SH3RF3: variants seen among roughly 807,000 people sequenced by gnomAD.
SH3RF3 encodes E3 ubiquitin-protein ligase SH3RF3.
A neutral mutation model predicts 66.3 loss-of-function variants in SH3RF3; 29 were observed. The observed-to-expected ratio is 0.44, with a 90% CI of 0.33 to 0.60. The LOEUF is 0.60. Ranked by LOEUF, SH3RF3 falls within the 20% of genes least tolerant of loss-of-function variation. The pLI is 0.04. For synonymous variants in SH3RF3, 583 were observed against 532.0 expected (o/e 1.10, Z -1.32); for missense variants, 1,194 against 1,190.9 (o/e 1.00, Z -0.04).
chr2:109,181,731 C>T (rs1454586283), intron 1 of SH3RF3, among the ~76,000 whole-genome samples: 2 of 152,186 alleles, frequency 1.3e-5, no homozygotes, highest in Non-Finnish European at 2.9e-5. Flanking sequence ...CTTTCTTCTC[C>T]AGCCATGGTA....
At chr2:109,350,009 G>A (rs1003552145) in intron 2 of SH3RF3, among the ~76,000 whole-genome samples, 1 of 152,232 alleles carries the variant, frequency 6.6e-6, no homozygotes, top group African/African-American at 2.4e-5. Flanking sequence ...GGCCAGTGGA[G>A]AATGTGCAGA....
chr2:109,350,885 T>C (rs1682823155), intron 2 of SH3RF3, among the ~76,000 whole-genome samples: 1 of 152,242 alleles, frequency 6.6e-6, no homozygotes, highest in African/African-American at 2.4e-5. Flanking sequence ...GAAGGGTCTC[T>C]GAAAGCTACA....
chr2:109,360,027 A>C (rs558753471), intron 2 of SH3RF3, among the ~76,000 whole-genome samples: 1 of 150,986 alleles, frequency 6.6e-6, no homozygotes, highest in African/African-American at 2.4e-5. Context: ...GGACCCACTT[A>C]CTGGTCCCTT....
intron 1 of SH3RF3, among the ~76,000 whole-genome samples, chr2:109,166,960 A>T (rs1344639038): frequency 3.9e-5 from 6 of 152,202 alleles, no homozygotes; most frequent in African/African-American, 1.4e-4. Flanking sequence ...ACCTTCTTGT[A>T]AAAGGGCCAT....
chr2:109,347,536 T>G (rs1447435338), intron 1 of SH3RF3, 138 bp from the exon 2 acceptor site: 7 of 1,177,484 alleles, frequency 5.9e-6, no homozygotes, highest in Non-Finnish European at 5.9e-6. Context: ...TTTAAAATAT[T>G]TTCCACTTGC....
chr2:109,360,063 CAAA>C lies in SH3RF3; in HGVS notation c.850-11507_850-11505del, dbSNP rs35020112. The stretch of plus-strand genomic sequence containing the variant: ...AACCACTTCTGATGTTTCCTTGCAC[CAAA>C]AAAAAAAAAAAAAAAGTATACACTT... On this transcript the variant is annotated intron_variant, in intron 2 of 9. Coordinates refer to ENST00000309415, the MANE Select transcript of SH3RF3 (RefSeq NM_001099289.3). 8.5e-3 allele frequency among the ~76,000 whole-genome samples: 1,150 copies of C among 135,058 alleles called. 9 individuals are homozygous for C. The highest frequency in any genetic ancestry group is 0.058 in the East Asian group (248 of 4,286). 88.6% of individuals were successfully genotyped at this position (135,058 alleles called of 152,430 possible). A position where few individuals can be genotyped will look rare whatever the true frequency, so the allele number is the denominator to read the frequency against.
chr2:109,294,483 C>G (rs755461574), intron 1 of SH3RF3, among the ~76,000 whole-genome samples: 9 of 150,986 alleles, frequency 6.0e-5, no homozygotes, highest in Admixed American at 5.3e-4. Flanking sequence ...ATCACCTGAA[C>G]CCAGGAGGTG....
chr2:109,473,214 C>T (rs1314757451), intron 8 of SH3RF3, among the ~76,000 whole-genome samples: 1 of 152,240 alleles, frequency 6.6e-6, no homozygotes, highest in Non-Finnish European at 1.5e-5. Flanking sequence ...CATACGAGCG[C>T]CTCACACAGG....
intron 1 of SH3RF3, among the ~76,000 whole-genome samples, chr2:109,132,276 G>C (rs186513418): frequency 3.5e-4 from 53 of 152,244 alleles, no homozygotes; most frequent in African/African-American, 1.2e-3. Context: ...ATATAGGTAA[G>C]TATTGGCATA....
rs1332708532 is a variant in SH3RF3, at chr2:109,504,362, G to T, written c.*2691G>T. ...GGGACAGGACTGCAGGCCACCAGGGGCCTCTGCCCAGAGGGAGGCAGAGAG... is the reference window on the plus strand; with the variant it reads ...GGGACAGGACTGCAGGCCACCAGGGTCCTCTGCCCAGAGGGAGGCAGAGAG... On this transcript the variant is annotated 3_prime_UTR_variant, in exon 10 of 10. Coordinates refer to ENST00000309415, the MANE Select transcript of SH3RF3 (RefSeq NM_001099289.3). 1 of 152,246 alleles carries T rather than the reference G, an allele frequency of 6.6e-6. No individual in the cohort carries two copies. Among genetic ancestry groups the T allele is most frequent in the Non-Finnish European group, 1.5e-5 (1 of 68,068 alleles). The allele number at this position is 152,246 out of a possible 1,614,324, so 9.4% of individuals were successfully genotyped here.
At chr2:109,294,335 T>C (rs1208531080) in intron 1 of SH3RF3, among the ~76,000 whole-genome samples, 2 of 152,044 alleles carry the variant, frequency 1.3e-5, no homozygotes, top group African/African-American at 4.8e-5. Flanking sequence ...CCAAGGCTGG[T>C]GGATCGCTTG....
intron 1 of SH3RF3, among the ~76,000 whole-genome samples, chr2:109,199,587 T>TCAACC (rs1558953897): frequency 0.02 from 19 of 972 alleles, no homozygotes; most frequent in African/African-American, 0.028. Flanking sequence ...TGGAATGGAA[T>TCAACC]GGAATGGAAT....
chr2:109,379,928 C>CCGGT (rs1311646052), intron 3 of SH3RF3, among the ~76,000 whole-genome samples: 2 of 152,168 alleles, frequency 1.3e-5, no homozygotes, highest in East Asian at 3.9e-4. Flanking sequence ...AATTCTTAGA[C>CCGGT]CTATCAGGGA....
At chr2:109,131,840 A>T (rs1426525582) in intron 1 of SH3RF3, among the ~76,000 whole-genome samples, 1 of 152,004 alleles carries the variant, frequency 6.6e-6, no homozygotes, top group Non-Finnish European at 1.5e-5. Context: ...TGTTTTTGGG[A>T]TGTTTCTGGA....
intron 1 of SH3RF3, among the ~76,000 whole-genome samples, chr2:109,249,597 C>T (rs1680032444): frequency 2.2e-5 from 3 of 138,378 alleles, no homozygotes; most frequent in Non-Finnish European, 4.6e-5. Context: ...TCCTTTCTTT[C>T]TTTTTCTTTC....
At chr2:109,452,262 C>G (rs763961224) in intron 8 of SH3RF3, among the ~76,000 whole-genome samples, 60 of 152,332 alleles carry the variant, frequency 3.9e-4, no homozygotes, top group Non-Finnish European at 7.8e-4. Flanking sequence ...CCAGCACACT[C>G]CCTGCAGGCC....
At chr2:109,148,168 C>A (rs377142727) in intron 1 of SH3RF3, among the ~76,000 whole-genome samples, 1 of 152,208 alleles carries the variant, frequency 6.6e-6, no homozygotes, top group East Asian at 1.9e-4. Flanking sequence ...GTGTTCTTAC[C>A]GATGGTGGAA....
At chr2:109,279,718 C>A (rs1680838636) in intron 1 of SH3RF3, among the ~76,000 whole-genome samples, 1 of 151,232 alleles carries the variant, frequency 6.6e-6, no homozygotes, top group African/African-American at 2.4e-5. Flanking sequence ...GCTTGCGTTT[C>A]TTTTGAAATT....
At chr2:109,471,434 C>A (rs1678505083) in intron 8 of SH3RF3, among the ~76,000 whole-genome samples, 1 of 152,100 alleles carries the variant, frequency 6.6e-6, no homozygotes, top group Admixed American at 6.5e-5. Context: ...CATGAGAACT[C>A]ACTCACTATC....
Sources: allele counts gnomAD v4.1 joint callset (sites outside exome capture counted in the v4.1 genomes callset), GRCh38; gene constraint gnomAD v4.1.1; transcripts MANE v1.5; gene names NCBI Gene and HGNC (gene_info 2026-07-23, HGNC 2026-07-21).